JPH1: variants seen among roughly 807,000 people sequenced by gnomAD.
JPH1 encodes junctophilin-1.
In JPH1, 12 loss-of-function variants were observed where a neutral mutation model predicts 53.6. That is an observed-to-expected ratio of 0.22 (90% CI 0.14 to 0.36). The LOEUF is 0.36. JPH1 is among the 10% of genes least tolerant of loss of function. The probability of loss-of-function intolerance (pLI) is 1.00; values close to 1 mark genes in which losing one functional copy is unlikely to be tolerated. For missense variants in JPH1, 808 were observed against 905.5 expected (o/e 0.89, Z 1.38); for synonymous variants, 375 against 363.8 (o/e 1.03, Z -0.35).
Position 74,315,100 on chromosome 8 carries a change from A to T in JPH1, c.900T>A (p.Asn300Lys), listed in dbSNP as rs1808104814. ...RNGFGVSERS[N>K]GMKYEGEWAN... The stretch of plus-strand genomic sequence containing the variant: ...CCCACTCCCCTTCATACTTCATGCC[A>T]TTGGAGCGCTCGCTAACGCCGAAGC... The change falls in exon 2 of 6, where the codon AAT becomes AAA. Residue 300 changes from asparagine (N) to lysine (K), a missense_variant. Transcript: ENST00000342232. The surrounding 1 kb of genome is among the most constrained non-coding windows in gnomAD (Gnocchi z 6.3). The T allele has an allele frequency of 1.9e-6, 3 of 1,614,192 alleles. No homozygotes were observed. Among genetic ancestry groups the T allele is most frequent in the Non-Finnish European group, 2.5e-6 (3 of 1,180,020 alleles).
At chr8:74,303,414 G>A (rs1001325410) in intron 2 of JPH1, among the ~76,000 whole-genome samples, 1 of 152,028 alleles carries the variant, frequency 6.6e-6, no homozygotes, top group Admixed American at 6.5e-5. Flanking sequence ...CAGGAACTTG[G>A]AGCCACTCTG....
At chr8:74,244,450 G>T in intron 4 of JPH1, 79 bp downstream of exon 4, 1 of 1,440,302 alleles carries the variant, frequency 6.9e-7, no homozygotes. Flanking sequence ...CTGTGATCAA[G>T]ATGCACAGTC....
intron 2 of JPH1, among the ~76,000 whole-genome samples, chr8:74,296,658 A>G (rs1807530606): frequency 6.6e-6 from 1 of 152,202 alleles, no homozygotes; most frequent in Non-Finnish European, 1.5e-5. Flanking sequence ...TAGCTGCTTG[A>G]TTCAGGGCCT....
At chr8:74,247,324 T>G (rs1805887044) in intron 3 of JPH1, among the ~76,000 whole-genome samples, 3 of 152,226 alleles carry the variant, frequency 2.0e-5, no homozygotes. Context: ...ATTACTAAAA[T>G]ACCCATCTAG....
chr8:74,265,955 A>T (rs1217172423), intron 2 of JPH1, among the ~76,000 whole-genome samples: 1 of 152,040 alleles, frequency 6.6e-6, no homozygotes, highest in Non-Finnish European at 1.5e-5. Context: ...TTAAAAAAAA[A>T]AAAACAGAGA....
In JPH1 at chr8:74,244,759, C is replaced by T. The variant is rs1409446205; in HGVS notation, c.1675G>A (p.Ala559Thr). 7 of 1,614,168 alleles carry T rather than the reference C, an allele frequency of 4.3e-6. No individual in the cohort carries two copies. The highest frequency in any genetic ancestry group is 1.3e-5 in the African/African-American group (1 of 75,030). ...ACGTCTACTGGAGGGTGCTGGGGGG[C>T]GTTCAGCTTCACGTAGTAGCCGTGA... is the stretch of plus-strand genomic sequence containing the variant. ...QYHGYYVKLN[A>T]PQHPPVDVED... Residue 559 changes from alanine to threonine, a missense_variant, in exon 4 of 6, where the codon GCC becomes ACC. Around this residue, in one of 2 missense-constraint regions of JPH1, gnomAD observed 756 missense variants for 811.9 expected, o/e 0.93. Transcript: ENST00000342232.
intron 2 of JPH1, among the ~76,000 whole-genome samples, chr8:74,305,635 A>G (rs1807810064): frequency 1.3e-5 from 2 of 152,244 alleles, no homozygotes; most frequent in South Asian, 2.1e-4. Context: ...AACCTGGCTT[A>G]TCATCATCCT....
intron 2 of JPH1, among the ~76,000 whole-genome samples, chr8:74,289,165 C>G (rs768163265): frequency 1.3e-5 from 2 of 152,200 alleles, no homozygotes; most frequent in Non-Finnish European, 2.9e-5. Context: ...AGGACGTTTT[C>G]TATAGAAACC....
intron 2 of JPH1, among the ~76,000 whole-genome samples, chr8:74,298,038 G>GC (rs1303281341): frequency 3.3e-5 from 5 of 152,228 alleles, no homozygotes; most frequent in Middle Eastern, 6.8e-3. Flanking sequence ...CTCTATTCCA[G>GC]CCCCCTCTAC....
intron 3 of JPH1, 139 bp downstream of exon 3, chr8:74,259,246 C>G (rs567412886): frequency 3.2e-6 from 2 of 621,272 alleles, no homozygotes; most frequent in Non-Finnish European, 5.7e-6. Flanking sequence ...GATCCTCAAC[C>G]GCAGGCGCCC....
At chr8:74,240,332 G>A (rs1422070622) in intron 4 of JPH1, among the ~76,000 whole-genome samples, 1 of 151,774 alleles carries the variant, frequency 6.6e-6, no homozygotes, top group African/African-American at 2.4e-5. Flanking sequence ...ACCCTGTTGT[G>A]CTATCAAATA....
At chr8:74,307,060 T>C (rs1586772452) in intron 2 of JPH1, among the ~76,000 whole-genome samples, 1 of 152,244 alleles carries the variant, frequency 6.6e-6, no homozygotes, top group East Asian at 1.9e-4. Context: ...ATGGGCTGTT[T>C]TGATACATGC....
At chr8:74,241,526 A>G (rs1805690247) in intron 4 of JPH1, among the ~76,000 whole-genome samples, 1 of 152,214 alleles carries the variant, frequency 6.6e-6, no homozygotes, top group South Asian at 2.1e-4. Context: ...ATCAAAATAC[A>G]GAAAGAAATC....
At chr8:74,269,079 G>T (rs933712993) in intron 2 of JPH1, among the ~76,000 whole-genome samples, 3 of 152,186 alleles carry the variant, frequency 2.0e-5, no homozygotes, top group African/African-American at 7.2e-5. Flanking sequence ...AAGGTAAAAA[G>T]ATATCTGTTT....
At chr8:74,249,422 T>C (rs181917854) in intron 3 of JPH1, among the ~76,000 whole-genome samples, 1 of 152,320 alleles carries the variant, frequency 6.6e-6, no homozygotes, top group Admixed American at 6.5e-5. Context: ...ACTCCTTTCC[T>C]ATAGGACTTC....
chr8:74,298,828 G>C (rs1414651634), intron 2 of JPH1, among the ~76,000 whole-genome samples: 1 of 152,126 alleles, frequency 6.6e-6, no homozygotes, highest in Admixed American at 6.6e-5. Context: ...TTACCTTTCT[G>C]GATGTTTTTC....
chr8:74,270,896 A>G (rs1806678670), intron 2 of JPH1, among the ~76,000 whole-genome samples: 1 of 151,852 alleles, frequency 6.6e-6, no homozygotes, highest in Non-Finnish European at 1.5e-5. Context: ...GGTGGGATTG[A>G]TTCTGGGCCC....
chr8:74,295,862 G>A (rs1807494203), intron 2 of JPH1, among the ~76,000 whole-genome samples: 1 of 152,080 alleles, frequency 6.6e-6, no homozygotes, highest in Non-Finnish European at 1.5e-5. Context: ...CTCCAAAACT[G>A]CAACTCATTG....
At chr8:74,292,978 T>C (rs1006006619) in intron 2 of JPH1, among the ~76,000 whole-genome samples, 8 of 152,226 alleles carry the variant, frequency 5.3e-5, no homozygotes, top group African/African-American at 1.4e-4. Context: ...TCTGTCTTTA[T>C]AGCCACAGTT....
Sources: allele counts gnomAD v4.1 joint callset (sites outside exome capture counted in the v4.1 genomes callset), GRCh38; gene constraint gnomAD v4.1.1; regional missense constraint gnomAD v4.1.1; non-coding constraint Gnocchi (gnomAD v3.1); transcripts MANE v1.5; gene names NCBI Gene and HGNC (gene_info 2026-07-23, HGNC 2026-07-21).